AKAP11: variants seen among roughly 807,000 people sequenced by gnomAD.
AKAP11 encodes the protein A-kinase anchor protein 11.
AKAP11 carries 36 observed loss-of-function variants against 146.1 expected under a neutral mutation model. That is an observed-to-expected ratio of 0.25 (90% CI 0.19 to 0.33). The LOEUF (loss-of-function observed/expected upper bound fraction) is 0.33. Among genes scored for constraint, AKAP11 ranks in the 10% least tolerant of loss-of-function variants. AKAP11 has a pLI of 1.00. For synonymous variants in AKAP11, 780 were observed against 786.5 expected (o/e 0.99, Z 0.14); for missense variants, 2,201 against 2,197.0 (o/e 1.00, Z -0.04).
chr13:42,304,634 T>C (rs1960155646), intron 8 of AKAP11, among the ~76,000 whole-genome samples: 1 of 152,198 alleles, frequency 6.6e-6, no homozygotes, highest in Non-Finnish European at 1.5e-5. Context: ...AAGAAGAAAG[T>C]GAAAATTCTT....
Position 42,303,412 on chromosome 13 carries a change from C to T in AKAP11, c.4666C>T (p.Leu1556=), listed in dbSNP as rs369410726. The change falls in exon 8 of 13, where the codon CTA becomes TTA. Residue 1556 remains leucine (L), a synonymous_variant. Transcript: ENST00000025301. ...AGTGGATGACACTCTAGAGCTAACTCTAGGATCTACAGTGTTCCGAGTGTC... is the reference window on the plus strand; with the variant it reads ...AGTGGATGACACTCTAGAGCTAACTTTAGGATCTACAGTGTTCCGAGTGTC... ...KVVDDTLELT[L]GSTVFRVSET... is the part of the protein sequence containing the mutation. The T allele has an allele frequency of 1.2e-6, 2 of 1,614,052 alleles. No homozygotes were observed. The highest frequency in any genetic ancestry group is 2.2e-5 in the East Asian group (1 of 44,888).
Position 42,302,537 on chromosome 13 carries a change from C to T in AKAP11, c.3791C>T (p.Ala1264Val). ...TTATGCAATTTTGCGGGTGATCTGG[C>T]AGCAGAAGTCATTACAGAAGCTGAG... ...KTLCNFAGDL[A>V]AEVITEAEKI... Residue 1264 changes from alanine (A) to valine (V), a missense_variant, in exon 8 of 13, where the codon GCA (alanine) becomes GTA (valine). Physicochemically the swap from Ala to Val is moderately conservative, Grantham distance 64. Around this residue, in one of 3 missense-constraint regions of AKAP11, gnomAD observed 1,867 missense variants for 1,833.5 expected, o/e 1.02. Coordinates refer to ENST00000025301, the MANE Select transcript of AKAP11 (RefSeq NM_016248.4). 2 of 1,614,094 alleles carry T rather than the reference C, an allele frequency of 1.2e-6. No homozygotes were observed. Among genetic ancestry groups the T allele is most frequent in the Middle Eastern group, 1.6e-4 (1 of 6,062 alleles).
Position 42,299,447 on chromosome 13 carries a change from A to G in AKAP11, c.701A>G (p.Lys234Arg). 2 of 1,613,906 alleles carry G rather than the reference A, an allele frequency of 1.2e-6. No individual in the cohort carries two copies. The highest frequency in any genetic ancestry group is 1.7e-6 in the Non-Finnish European group (2 of 1,179,836). ...CATCATTTAGAAACCCATGATTTAA[A>G]GATTCTCATTAGCTCTGGACAGCAG... ...TGHHLETHDL[K>R]ILISSGQQKS... The change falls in exon 8 of 13, where the codon AAG (lysine) becomes AGG (arginine). Residue 234 changes from lysine (K) to arginine (R), a missense_variant. Lys to Arg is a conservative substitution (Grantham distance 26). Around this residue, in one of 3 missense-constraint regions of AKAP11, gnomAD observed 331 missense variants for 347.4 expected, o/e 0.95. Coordinates refer to ENST00000025301, the MANE Select transcript of AKAP11 (RefSeq NM_016248.4).
intron 11 of AKAP11, among the ~76,000 whole-genome samples, chr13:42,315,793 C>T (rs2138709585): frequency 6.6e-6 from 1 of 152,210 alleles, no homozygotes; most frequent in South Asian, 2.1e-4. Flanking sequence ...AAATTAGGAG[C>T]TAGATTGGTC....
intron 1 of AKAP11, among the ~76,000 whole-genome samples, chr13:42,282,849 A>G (rs2138448133): frequency 6.6e-6 from 1 of 152,266 alleles, no homozygotes; most frequent in African/African-American, 2.4e-5. Flanking sequence ...TTCTTTGACT[A>G]TAGATAACGC....
At chr13:42,297,299 A>ATC in intron 6 of AKAP11, 117 bp downstream of exon 6, 1 of 723,374 alleles carries the variant, frequency 1.4e-6, no homozygotes, top group Admixed American at 3.3e-5. Flanking sequence ...ATGGTATCTC[A>ATC]AGGAAATATG....
chr13:42,301,391 C>T lies in AKAP11; in HGVS notation c.2645C>T (p.Thr882Met), dbSNP rs753406952. The stretch of plus-strand genomic sequence containing the variant: ...AACTTTTCTGCAGCAGTGGTGCATA[C>T]GATAGTAAATGAAACTTTAGAGTCA... ...ISNFSAAVVHTIVNETLESMT... is the reference protein window; with the variant it reads ...ISNFSAAVVHMIVNETLESMT... Residue 882 changes from threonine to methionine, a missense_variant, in exon 8 of 13, where the codon ACG becomes ATG. Around this residue, in one of 3 missense-constraint regions of AKAP11, gnomAD observed 1,867 missense variants for 1,833.5 expected, o/e 1.02. Transcript: ENST00000025301. 1.8e-5 allele frequency: 29 copies of T among 1,613,374 alleles called. No individual in the cohort carries two copies. The highest frequency in any genetic ancestry group is 6.7e-5 in the East Asian group (3 of 44,868).
rs143227036 is a variant in AKAP11, at chr13:42,318,671, A to G, written c.5566-417A>G. Among the ~76,000 whole-genome samples, 222 of 152,286 alleles carry G rather than the reference A, an allele frequency of 1.5e-3. 1 individual carries two copies. The highest frequency in any genetic ancestry group is 6.8e-3 in the Middle Eastern group (2 of 294). On this transcript the variant is annotated intron_variant, in intron 12 of 12. Coordinates refer to ENST00000025301, the MANE Select transcript of AKAP11 (RefSeq NM_016248.4). ...GTGTATTCCAGAAAAATGCCACACT[A>G]TATGTTGTGGAAGGAAAATCCACAT...
intron 1 of AKAP11, among the ~76,000 whole-genome samples, chr13:42,282,260 CTT>C (rs768248255): frequency 2.0e-4 from 23 of 112,348 alleles, no homozygotes; most frequent in South Asian, 2.8e-4. Context: ...CTAGGCCAGT[CTT>C]TTTTTTTTTT....
In AKAP11 at chr13:42,303,700, G is replaced by C. The variant is rs764768179; in HGVS notation, c.4954G>C (p.Glu1652Gln). 1.9e-6 allele frequency: 3 copies of C among 1,614,170 alleles called. No homozygotes were observed. Among genetic ancestry groups the C allele is most frequent in the Admixed American group, 1.7e-5 (1 of 60,014 alleles). Residue 1652 changes from glutamate (E) to glutamine (Q), a missense_variant, in exon 8 of 13, where the codon GAG becomes CAG. By Grantham distance (29) the Glu-to-Gln change is conservative (BLOSUM62 2). Transcript: ENST00000025301. Reference sequence around the variant, plus strand: ...TCTTGATAAGAAGGCAGTGCTTGCTGAGAAGATAGTTGCTGAAGCCATTGA... The same window carrying C: ...TCTTGATAAGAAGGCAGTGCTTGCTCAGAAGATAGTTGCTGAAGCCATTGA... The part of the protein sequence containing the change: ...VNLDKKAVLA[E>Q]KIVAEAIEKA...
intron 9 of AKAP11, 87 bp from the exon 10 acceptor site, chr13:42,312,960 T>C: frequency 2.7e-6 from 3 of 1,101,758 alleles, no homozygotes; most frequent in Non-Finnish European, 4.0e-6. Context: ...TCTGCAGTTA[T>C]CAAGGACAGA....
In AKAP11 at chr13:42,297,074, TC is replaced by T. The variant is rs781223148; in HGVS notation, c.245del (p.Pro82GlnfsTer4). On this transcript the variant is annotated frameshift_variant, in exon 6 of 13. Coordinates refer to ENST00000025301, the MANE Select transcript of AKAP11 (RefSeq NM_016248.4). LOFTEE classifies it high-confidence loss of function. The part of the protein sequence containing the change: ...QDLAAVSLEL[P>X]DILNSLHFCS... ...ATTTAGCTGCAGTTTCTTTGGAACTTCCAGATATTCTGAATTCACTCCACTT... is the reference window on the plus strand; with the variant it reads ...ATTTAGCTGCAGTTTCTTTGGAACTTCAGATATTCTGAATTCACTCCACTT... 1.3e-6 allele frequency: 2 copies of T among 1,591,300 alleles called. No individual in the cohort carries two copies. The highest frequency in any genetic ancestry group is 1.7e-6 in the Non-Finnish European group (2 of 1,171,176).
intron 9 of AKAP11, among the ~76,000 whole-genome samples, chr13:42,310,924 C>G (rs1385485898): frequency 6.6e-6 from 1 of 151,214 alleles, no homozygotes; most frequent in Non-Finnish European, 1.5e-5. Context: ...GCAGGAAGTT[C>G]AGTGGAGGGC....
At chr13:42,314,080 G>T (rs1960698297) in intron 11 of AKAP11, 140 bp downstream of exon 11, 2 of 753,414 alleles carry the variant, frequency 2.7e-6, no homozygotes, top group African/African-American at 3.5e-5. Flanking sequence ...AACTAATTTT[G>T]TTTGTCCACT....
Position 42,302,886 on chromosome 13 carries a change from A to G in AKAP11, c.4140A>G (p.Leu1380=). 1 of 1,614,092 alleles carries G rather than the reference A, an allele frequency of 6.2e-7. No individual in the cohort carries two copies. Among genetic ancestry groups the G allele is most frequent in the Non-Finnish European group, 8.5e-7 (1 of 1,180,028 alleles). Residue 1380 remains leucine, a synonymous_variant, in exon 8 of 13, where the codon TTA becomes TTG. Coordinates refer to ENST00000025301, the MANE Select transcript of AKAP11 (RefSeq NM_016248.4). ...CCTACCGATCTGTTAAATCAGGATT[A>G]CAGGAAGCAGCTAAGACAACCAAAG... ...RLAYRSVKSG[L]QEAAKTTKVQ...
chr13:42,317,087 A>AG (rs1418923827), intron 11 of AKAP11, among the ~76,000 whole-genome samples: 1 of 152,182 alleles, frequency 6.6e-6, no homozygotes, highest in African/African-American at 2.4e-5. Context: ...CATGTTGGGC[A>AG]GGCTGGTCTC....
intron 3 of AKAP11, among the ~76,000 whole-genome samples, chr13:42,288,894 T>A (rs1959185556): frequency 6.6e-6 from 1 of 152,188 alleles, no homozygotes; most frequent in African/African-American, 2.4e-5. Flanking sequence ...AAGGTTTAAT[T>A]GGATCAGGTT....
chr13:42,300,113 GTCC>G lies in AKAP11; in HGVS notation c.1370_1372del (p.Pro457del), dbSNP rs760659166. The G allele has an allele frequency of 5.0e-6, 8 of 1,613,806 alleles. No individual in the cohort carries two copies. The highest frequency in any genetic ancestry group is 1.6e-4 in the Middle Eastern group (1 of 6,084). On this transcript the variant is annotated inframe_deletion, in exon 8 of 13. Coordinates refer to ENST00000025301, the MANE Select transcript of AKAP11 (RefSeq NM_016248.4). ...AGTCCTATTCGATCCTCTGCTTTTAGTCCTCTTGGAGGCTGTACTCCAGCTGAA... is the reference window on the plus strand; with the variant it reads ...AGTCCTATTCGATCCTCTGCTTTTAGTCTTGGAGGCTGTACTCCAGCTGAA...
At chr13:42,275,455 A>T (rs915102448) in intron 1 of AKAP11, among the ~76,000 whole-genome samples, 5 of 152,232 alleles carry the variant, frequency 3.3e-5, no homozygotes, top group Non-Finnish European at 7.3e-5. Flanking sequence ...ATGGATGAGG[A>T]AGAGACTTAG....
Sources: gnomAD v4.1 joint callset for allele counts (sites outside exome capture counted in the v4.1 genomes callset) on GRCh38, gnomAD v4.1.1 for gene constraint, gnomAD v4.1.1 regional missense constraint, MANE v1.5 for transcripts, NCBI Gene and HGNC (gene_info 2026-07-23, HGNC 2026-07-21) for gene names.